The following NUDT6 variants were observed in gnomAD, a reference collection of about 807,000 sequenced individuals.
NUDT6 encodes nudix hydrolase 6.
In NUDT6, 24 loss-of-function variants were observed where a neutral mutation model predicts 36.8. The ratio of observed to expected loss-of-function variants is 0.65; its 90% CI spans 0.47 to 0.92. The LOEUF (loss-of-function observed/expected upper bound fraction) is 0.92, where lower values mean the gene tolerates loss of function less well. NUDT6 is among the 40% of genes least tolerant of loss of function. The probability of loss-of-function intolerance (pLI) is 0.00; values close to 1 mark genes in which losing one functional copy is unlikely to be tolerated. For missense variants in NUDT6, 388 were observed against 392.8 expected (o/e 0.99, Z 0.10); for synonymous variants, 163 against 157.0 (o/e 1.04, Z -0.29).
chr4:122,892,786 T>C lies in NUDT6; in HGVS notation c.*42A>G, dbSNP rs1727222405. 2.7e-6 allele frequency: 4 copies of C among 1,469,238 alleles called. No homozygotes were observed. Among genetic ancestry groups the C allele is most frequent in the Admixed American group, 4.3e-5 (2 of 46,308 alleles). The allele number at this position is 1,469,238 out of a possible 1,614,324, so 91.0% of individuals were successfully genotyped here. A position where few individuals can be genotyped will look rare whatever the true frequency, so the allele number is the denominator to read the frequency against. ...TCCAAAATGTCCACTATTTCTTATG[T>C]CATTCGTTAGTCTACATGTTTCTAA... On this transcript the variant is annotated 3_prime_UTR_variant, in exon 5 of 5. Coordinates refer to ENST00000304430, the MANE Select transcript of NUDT6 (RefSeq NM_007083.5).
intron 2 of NUDT6, among the ~76,000 whole-genome samples, 167 bp from the exon 3 acceptor site, chr4:122,912,790 A>C (rs1313888829): frequency 6.6e-6 from 1 of 152,212 alleles, no homozygotes; most frequent in East Asian, 1.9e-4. Flanking sequence ...CAGAAGTGTT[A>C]GATTTTTCTG....
intron 2 of NUDT6, 148 bp downstream of exon 2, chr4:122,917,353 C>T (rs999456501): frequency 2.8e-6 from 2 of 708,734 alleles, no homozygotes; most frequent in Non-Finnish European, 4.8e-6. Context: ...TCTTGGAACA[C>T]ATCCTGTGCA....
At chr4:122,901,779 C>T (rs1422880159) in intron 3 of NUDT6, among the ~76,000 whole-genome samples, 15 of 152,062 alleles carry the variant, frequency 9.9e-5, no homozygotes, top group African/African-American at 2.2e-4. Context: ...CTGTTTTCCC[C>T]GTTCCACAGA....
At chr4:122,912,523 GAAAT>G (rs1430617688) in intron 3 of NUDT6, 41 bp downstream of exon 3, 1 of 1,307,508 alleles carries the variant, frequency 7.6e-7, no homozygotes, top group Admixed American at 1.7e-5. Context: ...TCTCTAGAAA[GAAAT>G]AAACATTTAG....
At chr4:122,895,152 TATTTCTTCCCCAAGG>T (rs1727311947) in intron 4 of NUDT6, 1 of 152,352 alleles carries the variant, frequency 6.6e-6, no homozygotes, top group African/African-American at 2.4e-5. Flanking sequence ...TCAAGATGGA[TATTTCTTCCCCAAGG>T]ATTTCAAGAT....
intron 3 of NUDT6, among the ~76,000 whole-genome samples, chr4:122,910,841 G>C (rs1727719401): frequency 6.6e-6 from 1 of 152,150 alleles, no homozygotes; most frequent in African/African-American, 2.4e-5. Context: ...AGGGACCCGG[G>C]TCTGCTGATT....
intron 3 of NUDT6, among the ~76,000 whole-genome samples, chr4:122,910,497 G>C (rs937409939): frequency 6.6e-6 from 1 of 152,134 alleles, no homozygotes; most frequent in East Asian, 1.9e-4. Flanking sequence ...AACCCTGAAG[G>C]ACTGCTTGGA....
chr4:122,921,113 CA>C (rs948336066), intron 1 of NUDT6: 22 of 152,226 alleles, frequency 1.4e-4, no homozygotes, highest in African/African-American at 5.1e-4. Context: ...TCATTGGGCT[CA>C]AGGTTGAAAG....
intron 1 of NUDT6, chr4:122,918,062 C>T (rs2150810547): frequency 5.0e-6 from 1 of 200,754 alleles, no homozygotes; most frequent in African/African-American, 2.3e-5. Flanking sequence ...TTTTAACATC[C>T]TTAGGTTTAA....
intron 4 of NUDT6, chr4:122,895,859 T>C (rs373292533): frequency 3.3e-5 from 5 of 152,354 alleles, no homozygotes; most frequent in South Asian, 4.1e-4. Flanking sequence ...GCAGTATTCC[T>C]AAAGTACATT....
chr4:122,906,220 C>A (rs1196167013), intron 3 of NUDT6, among the ~76,000 whole-genome samples: 1 of 152,088 alleles, frequency 6.6e-6, no homozygotes, highest in African/African-American at 2.4e-5. Flanking sequence ...ATATAGGGGT[C>A]TCTTTAAATG....
intron 4 of NUDT6, chr4:122,895,461 A>T (rs956177693): frequency 9.9e-5 from 15 of 152,198 alleles, no homozygotes; most frequent in Admixed American, 9.2e-4. Flanking sequence ...ATATAATGGG[A>T]AATAATCTGC....
chr4:122,905,276 A>G (rs1320786986), intron 3 of NUDT6, among the ~76,000 whole-genome samples: 1 of 152,208 alleles, frequency 6.6e-6, no homozygotes, highest in East Asian at 1.9e-4. Flanking sequence ...AGCACAGGTT[A>G]AACATTCACT....
chr4:122,922,690 C>T, upstream of NUDT6: 1 of 885,746 alleles, frequency 1.1e-6, no homozygotes, highest in Non-Finnish European at 1.7e-6. Context: ...GCTGGGGTTA[C>T]CACTCTGCAG....
Position 122,899,044 on chromosome 4 carries a change from A to ATTTTTTTTTTTTTTTTTTTTTTTTTT in NUDT6, c.499-1367_499-1366insAAAAAAAAAAAAAAAAAAAAAAAAAA, listed in dbSNP as rs113708696. 3.3e-4 allele frequency among the ~76,000 whole-genome samples: 23 copies of ATTTTTTTTTTTTTTTTTTTTTTTTTT among 69,412 alleles called. 7 individuals carry two copies. The highest frequency in any genetic ancestry group is 4.1e-4 in the African/African-American group (9 of 22,092). 45.5% of individuals were successfully genotyped at this position (69,412 alleles called of 152,430 possible). On this transcript the variant is annotated intron_variant, in intron 3 of 4. Transcript: ENST00000304430. Reference sequence around the variant, plus strand: ...CTACAGGTGTGCACCACCACACCTAATTTTTTTTTTTTTTTTAGAGATGAG... The same window carrying ATTTTTTTTTTTTTTTTTTTTTTTTTT: ...CTACAGGTGTGCACCACCACACCTAATTTTTTTTTTTTTTTTTTTTTTTTTTTTTTTTTTTTTTTTTTAGAGATGAG...
chr4:122,918,094 T>G (rs1727884322), intron 1 of NUDT6: 1 of 168,406 alleles, frequency 5.9e-6, no homozygotes, highest in Non-Finnish European at 1.3e-5. Flanking sequence ...ATTATGGACT[T>G]CTATTTTTTT....
intron 3 of NUDT6, chr4:122,898,104 A>G (rs1727421441): frequency 6.3e-6 from 1 of 159,966 alleles, no homozygotes; most frequent in Admixed American, 6.3e-5. Context: ...TCTATTTCCT[A>G]TATTGTATTT....
At chr4:122,922,313 C>T (rs1728061066) in intron 1 of NUDT6, 22 bp downstream of exon 1, 1 of 1,584,070 alleles carries the variant, frequency 6.3e-7, no homozygotes, top group African/African-American at 1.3e-5. Context: ...CCCCGGGAGC[C>T]CTTCGTCCCA....
At chr4:122,914,985 C>T (rs1471069788) in intron 2 of NUDT6, among the ~76,000 whole-genome samples, 3 of 152,008 alleles carry the variant, frequency 2.0e-5, no homozygotes, top group African/African-American at 7.2e-5. Flanking sequence ...GGAATGATGG[C>T]ACTAGTGTGC....
Sources: gnomAD v4.1 joint callset for allele counts (sites outside exome capture counted in the v4.1 genomes callset) on GRCh38, gnomAD v4.1.1 for gene constraint, MANE v1.5 for transcripts, NCBI Gene and HGNC (gene_info 2026-07-23, HGNC 2026-07-21) for gene names.